KLHDC4: variants seen among roughly 807,000 people sequenced by gnomAD.
KLHDC4 encodes the protein kelch domain-containing protein 4.
In KLHDC4, 90 loss-of-function variants were observed where a neutral mutation model predicts 62.4. The ratio of observed to expected loss-of-function variants is 1.44; its 90% CI spans 1.22 to 1.72. KLHDC4 has a LOEUF of 1.72. Among genes scored for constraint, KLHDC4 ranks in the 40% most tolerant of loss-of-function variants. KLHDC4 has a pLI of 0.00. For synonymous variants in KLHDC4, 386 were observed against 284.4 expected (o/e 1.36, Z -3.59); for missense variants, 1,025 against 699.7 (o/e 1.47, Z -5.25).
intron 7 of KLHDC4, among the ~76,000 whole-genome samples, chr16:87,721,339 G>T (rs549857137): frequency 6.6e-6 from 1 of 151,410 alleles, no homozygotes; most frequent in Non-Finnish European, 1.5e-5. Context: ...GCGTGAACCC[G>T]GTGGGTGGAG....
At chr16:87,729,004 T>C (rs1487501965) in intron 6 of KLHDC4, among the ~76,000 whole-genome samples, 1 of 152,110 alleles carries the variant, frequency 6.6e-6, no homozygotes, top group Non-Finnish European at 1.5e-5. Context: ...CTCAAACTTC[T>C]GGCCTCAAGT....
Position 87,726,797 on chromosome 16 carries a change from C to T in KLHDC4, c.727G>A (p.Gly243Ser), listed in dbSNP as rs755532185. 1.9e-6 allele frequency: 3 copies of T among 1,603,624 alleles called. No individual in the cohort carries two copies. Among genetic ancestry groups the T allele is most frequent in the South Asian group, 2.2e-5 (2 of 90,008 alleles). ...GCQMSVTPQG[G>S]IVVYGGYSKQ... is the part of the protein sequence containing the mutation. ...GAGTAGCCCCCATAGACGACGATGC[C>T]GCCCTGGGGAGTGACGGACATCTGG... is the stretch of plus-strand genomic sequence containing the variant. The change falls in exon 7 of 12, where the codon GGC becomes AGC. Residue 243 changes from glycine to serine, a missense_variant. Transcript: ENST00000270583.
intron 8 of KLHDC4, among the ~76,000 whole-genome samples, chr16:87,711,798 C>CCGCCCGGCACGGGGACCCTT (rs1271631718): frequency 2.6e-5 from 4 of 151,584 alleles, no homozygotes; most frequent in Admixed American, 6.6e-5. Flanking sequence ...CAGGGACCCT[C>CCGCCCGGCACGGGGACCCTT]CGCCCGGCAC....
chr16:87,710,562 G>A (rs1002901199), intron 9 of KLHDC4: 4 of 152,288 alleles, frequency 2.6e-5, no homozygotes, highest in African/African-American at 7.2e-5. Flanking sequence ...CTGAAGAAAA[G>A]CCACAGGGGA....
At chr16:87,757,863 T>C (rs190549010) in intron 2 of KLHDC4, among the ~76,000 whole-genome samples, 24 of 152,074 alleles carry the variant, frequency 1.6e-4, no homozygotes, top group African/African-American at 5.1e-4. Context: ...TTGCACTCCA[T>C]CCTGGGAGAC....
intron 5 of KLHDC4, among the ~76,000 whole-genome samples, chr16:87,744,583 A>G (rs2042750874): frequency 3.1e-5 from 3 of 96,472 alleles, no homozygotes; most frequent in African/African-American, 3.6e-5. Flanking sequence ...ACTGTCTCAG[A>G]AAAAAAAAAA....
rs1022289893 is a variant in KLHDC4 at position 87,761,556 on chromosome 16, A to G, written c.191+393T>C. Among the ~76,000 whole-genome samples, 14 of 152,368 alleles carry G rather than the reference A, an allele frequency of 9.2e-5. No individual in the cohort carries two copies. The East Asian group carries it at 2.5e-3, about 27-fold the overall frequency. On this transcript the variant is annotated intron_variant, in intron 2 of 11. Transcript: ENST00000270583. ...AATTTATGTTTAACAAACTTTTCAC[A>G]TGAGAATTTGAAAGCATTACAAACA...
intron 5 of KLHDC4, among the ~76,000 whole-genome samples, chr16:87,736,506 G>C (rs1261006041): frequency 6.6e-6 from 1 of 152,132 alleles, no homozygotes; most frequent in African/African-American, 2.4e-5. Context: ...TTACAGCACA[G>C]CCAGGGAGAG....
chr16:87,757,903 A>T (rs2045239578), intron 2 of KLHDC4, among the ~76,000 whole-genome samples: 2 of 152,132 alleles, frequency 1.3e-5, no homozygotes, highest in Non-Finnish European at 2.9e-5. Context: ...AAAACAAAAA[A>T]TAAATAAATA....
chr16:87,765,740 G>A lies in KLHDC4; in HGVS notation c.99+52C>T, dbSNP rs1297818823. 7 of 1,512,802 alleles carry A rather than the reference G, an allele frequency of 4.6e-6. No individual in the cohort carries two copies. In the South Asian group the frequency reaches 4.8e-5, roughly 10 times the overall value. The allele number at this position is 1,512,802 out of a possible 1,614,324, so 93.7% of individuals were successfully genotyped here. On this transcript the variant is annotated intron_variant, in intron 1 of 11. Transcript: ENST00000270583. ...CCCCGGGGGGCGCAGGGAGTCGGCC[G>A]AGGCTGCACGGCCGCGACGTCGGGC...
intron 9 of KLHDC4, chr16:87,710,324 G>C (rs1439228602): frequency 2.6e-5 from 4 of 152,254 alleles, no homozygotes; most frequent in African/African-American, 7.2e-5. Flanking sequence ...CAGCTCACGA[G>C]GTGACATTTG....
intron 7 of KLHDC4, among the ~76,000 whole-genome samples, chr16:87,721,598 A>T (rs892622694): frequency 6.6e-6 from 1 of 152,042 alleles, no homozygotes; most frequent in Non-Finnish European, 1.5e-5. Flanking sequence ...GTGAGCACGG[A>T]GCTCTGGCTC....
chr16:87,746,501 C>G (rs143209292), intron 5 of KLHDC4, among the ~76,000 whole-genome samples: 1 of 152,198 alleles, frequency 6.6e-6, no homozygotes, highest in African/African-American at 2.4e-5. Flanking sequence ...ACACTCCACA[C>G]GACCTTCCAG....
downstream of KLHDC4, among the ~76,000 whole-genome samples, chr16:87,705,215 G>A (rs1197578889): frequency 2.0e-5 from 3 of 152,250 alleles, no homozygotes; most frequent in South Asian, 4.1e-4. Flanking sequence ...CAGAGGCCCT[G>A]GGCTTTCGTG....
intron 4 of KLHDC4, among the ~76,000 whole-genome samples, chr16:87,750,696 G>A (rs1450334652): frequency 6.6e-6 from 1 of 152,206 alleles, no homozygotes; most frequent in Non-Finnish European, 1.5e-5. Flanking sequence ...CTGAGTCGGT[G>A]TTCCGCCCGC....
intron 5 of KLHDC4, among the ~76,000 whole-genome samples, chr16:87,745,522 C>T (rs185667602): frequency 1.1e-3 from 172 of 152,382 alleles, no homozygotes; most frequent in Non-Finnish European, 1.8e-3. Context: ...AAAGACCTTC[C>T]TGTTTCATAT....
intron 11 of KLHDC4, 52 bp from the exon 12 acceptor site, chr16:87,708,127 A>G: frequency 6.1e-6 from 4 of 655,186 alleles, no homozygotes; most frequent in Non-Finnish European, 1.1e-5. Flanking sequence ...GCCGAGGGGG[A>G]GGCCCGTGCA....
At chr16:87,748,862 G>C in intron 4 of KLHDC4, 53 bp from the exon 5 acceptor site, 1 of 1,604,968 alleles carries the variant, frequency 6.2e-7, no homozygotes, top group South Asian at 1.1e-5. Flanking sequence ...AGAAGGGCCA[G>C]TGTCATGGGT....
intron 2 of KLHDC4, among the ~76,000 whole-genome samples, chr16:87,758,358 G>A (rs998235434): frequency 1.3e-5 from 2 of 152,168 alleles, no homozygotes; most frequent in African/African-American, 2.4e-5. Flanking sequence ...CCCACAGACG[G>A]AACAGGATTT....
Sources: allele counts gnomAD v4.1 joint callset (sites outside exome capture counted in the v4.1 genomes callset), GRCh38; gene constraint gnomAD v4.1.1; transcripts MANE v1.5; gene names NCBI Gene and HGNC (gene_info 2026-07-23, HGNC 2026-07-21).